Variants in NUDT21 observed in about 807,000 individuals in gnomAD.
The protein encoded by NUDT21 is nudix hydrolase 21, also known as cleavage and polyadenylation specificity factor subunit 5.
A neutral mutation model predicts 29.8 loss-of-function variants in NUDT21; 5 were observed. That is an observed-to-expected ratio of 0.17 (90% confidence interval 0.09 to 0.35). The LOEUF (loss-of-function observed/expected upper bound fraction) is 0.35, where lower values mean the gene tolerates loss of function less well. Ranked by LOEUF, NUDT21 falls within the 10% of genes least tolerant of loss-of-function variation. NUDT21 has a pLI of 1.00. For missense variants in NUDT21, 76 were observed against 276.0 expected (o/e 0.28, Z 5.13); for synonymous variants, 113 against 98.5 (o/e 1.15, Z -0.87).
chr16:56,430,183 T>TA lies in NUDT21; in HGVS notation c.*2528dup, dbSNP rs1294305374. Reference sequence around the variant, plus strand: ...AGTACAAATTCAAGTGCAGAATTATTACGCCATTTTAAGTATTATCTACTT... The same window carrying TA: ...AGTACAAATTCAAGTGCAGAATTATTAACGCCATTTTAAGTATTATCTACTT... On this transcript the variant is annotated 3_prime_UTR_variant, in exon 7 of 7. Coordinates refer to ENST00000300291, the MANE Select transcript of NUDT21 (RefSeq NM_007006.3). The TA allele has an allele frequency of 6.6e-6, 1 of 152,244 alleles. No individual in the cohort carries two copies. The highest frequency in any genetic ancestry group is 2.4e-5 in the African/African-American group (1 of 41,466). The allele number at this position is 152,244 out of a possible 1,614,324, so 9.4% of individuals were successfully genotyped here.
chr16:56,447,082 G>C (rs1436240682), intron 2 of NUDT21: 2 of 167,624 alleles, frequency 1.2e-5, no homozygotes, highest in Non-Finnish European at 2.5e-5. Context: ...CCCACCTTTG[G>C]AGTATACAGT....
intron 4 of NUDT21, among the ~76,000 whole-genome samples, chr16:56,438,889 C>A (rs182055365): frequency 6.6e-6 from 1 of 151,894 alleles, no homozygotes; most frequent in Non-Finnish European, 1.5e-5. Flanking sequence ...TCAGGATACG[C>A]GAACAGTGAC....
chr16:56,437,729 C>G (rs1397467866), intron 4 of NUDT21, among the ~76,000 whole-genome samples: 1 of 152,104 alleles, frequency 6.6e-6, no homozygotes, highest in Non-Finnish European at 1.5e-5. Flanking sequence ...TGCTTCTGGT[C>G]TCTCTCTCCC....
intron 1 of NUDT21, among the ~76,000 whole-genome samples, chr16:56,450,006 A>C (rs1370081972): frequency 2.0e-5 from 3 of 152,226 alleles, no homozygotes; most frequent in African/African-American, 7.2e-5. Context: ...TTTGCAAAAT[A>C]AAACAATGTT....
intron 4 of NUDT21, among the ~76,000 whole-genome samples, chr16:56,435,495 G>A (rs1962086965): frequency 6.6e-6 from 1 of 151,160 alleles, no homozygotes; most frequent in South Asian, 2.1e-4. Flanking sequence ...GGGAGGCCAA[G>A]GCAGGCGGAT....
intron 4 of NUDT21, chr16:56,439,081 T>C (rs1962133654): frequency 6.5e-6 from 1 of 152,690 alleles, no homozygotes; most frequent in Non-Finnish European, 1.5e-5. Context: ...AGCGGTGGAA[T>C]GAGGGGTTGT....
rs557639316 is a variant in NUDT21, at chr16:56,438,080, T to C, written c.471+1577A>G. Among the ~76,000 whole-genome samples, 6 of 152,334 alleles carry C rather than the reference T, an allele frequency of 3.9e-5. No homozygotes were observed. In the East Asian group the frequency reaches 1.2e-3, roughly 29 times the overall value. ...ACTATACCAATTGTGATAGACTGCC[T>C]TAAGATGACCCCCAATGATTCCTGT... On this transcript the variant is annotated intron_variant, in intron 4 of 6. Coordinates refer to ENST00000300291, the MANE Select transcript of NUDT21 (RefSeq NM_007006.3).
rs1962070531 is a variant in NUDT21, at chr16:56,434,339, C to T, written c.654G>A (p.Leu218=). 6.2e-7 allele frequency: 1 copy of T among 1,605,656 alleles called. No homozygotes were observed. Among genetic ancestry groups the T allele is most frequent in the East Asian group, 2.2e-5 (1 of 44,776 alleles). The change falls in exon 6 of 7, where the codon CTG becomes CTA. Residue 218 remains leucine (L), a synonymous_variant. Transcript: ENST00000300291. ...TGTTCAACTTTCTGTACCTGCTCAA[C>T]AGCTGAGGGAGACTAGAAATGATGG... The part of the protein sequence containing the change: ...YGPIISSLPQ[L]LSRFNFIYN
chr16:56,441,635 C>A (rs541807985), intron 3 of NUDT21, among the ~76,000 whole-genome samples: 12 of 152,332 alleles, frequency 7.9e-5, no homozygotes, highest in African/African-American at 2.9e-4. Context: ...ACTTTTTCTT[C>A]CACCATCTTC....
rs1484317948 is a variant in NUDT21, at chr16:56,430,761, C to T, written c.*1951G>A. 11 of 152,358 alleles carry T rather than the reference C, an allele frequency of 7.2e-5. No individual in the cohort carries two copies. The highest frequency in any genetic ancestry group is 2.4e-4 in the African/African-American group (10 of 41,584). The allele number at this position is 152,358 out of a possible 1,614,324, so 9.4% of individuals were successfully genotyped here. A position where few individuals can be genotyped will look rare whatever the true frequency, so the allele number is the denominator to read the frequency against. On this transcript the variant is annotated 3_prime_UTR_variant, in exon 7 of 7. Coordinates refer to ENST00000300291, the MANE Select transcript of NUDT21 (RefSeq NM_007006.3). The stretch of plus-strand genomic sequence containing the variant: ...TTCCGTTTGTGTGTTGCAACTTTTA[C>T]ATTCAAAACCAGATCTCTTACATTT...
At position 56,431,401 on chromosome 16, in the gene NUDT21, A is replaced by G. The variant is rs1387364119; in HGVS notation, c.*1311T>C. The G allele has an allele frequency of 1.6e-4, 24 of 152,236 alleles. No homozygotes were observed. The highest frequency in any genetic ancestry group is 9.8e-4 in the Admixed American group (15 of 15,288). The allele number at this position is 152,236 out of a possible 1,614,324, so 9.4% of individuals were successfully genotyped here. A position where few individuals can be genotyped will look rare whatever the true frequency, so the allele number is the denominator to read the frequency against. ...CATGTGAGGGTTTGACATGACCCCA[A>G]CTAAAAAAACTTGAGTGTTTATTAA... On this transcript the variant is annotated 3_prime_UTR_variant, in exon 7 of 7. Coordinates refer to ENST00000300291, the MANE Select transcript of NUDT21 (RefSeq NM_007006.3).
intron 3 of NUDT21, among the ~76,000 whole-genome samples, chr16:56,441,958 CCACT>C (rs1962164280): frequency 6.6e-6 from 1 of 152,106 alleles, no homozygotes; most frequent in South Asian, 2.1e-4. Flanking sequence ...GGCGCGATCT[CCACT>C]CACTGCAACC....
At chr16:56,434,925 C>T (rs777051352) in intron 4 of NUDT21, 96 bp from the exon 5 acceptor site, 8 of 731,016 alleles carry the variant, frequency 1.1e-5, no homozygotes, top group Non-Finnish European at 1.9e-5. Context: ...TTGGGAGAAG[C>T]ATACTACTTT....
chr16:56,446,566 C>T, intron 3 of NUDT21, 60 bp downstream of exon 3: 1 of 920,268 alleles, frequency 1.1e-6, no homozygotes, highest in Non-Finnish European at 1.7e-6. Context: ...TTTTACAAGA[C>T]ATTAAAAGCC....
At chr16:56,435,494 A>G (rs1962086943) in intron 4 of NUDT21, among the ~76,000 whole-genome samples, 1 of 151,114 alleles carries the variant, frequency 6.6e-6, no homozygotes, top group South Asian at 2.1e-4. Context: ...TGGGAGGCCA[A>G]GGCAGGCGGA....
Position 56,451,073 on chromosome 16 carries a change from C to T in NUDT21, c.116+14G>A. The T allele has an allele frequency of 1.2e-6, 2 of 1,607,428 alleles. No homozygotes were observed. Among genetic ancestry groups the T allele is most frequent in the Non-Finnish European group, 1.7e-6 (2 of 1,174,466 alleles). ...TCACGAGAGAAATGCCCGCCAAGGC[C>T]GCGCCGCACTTACAGGTTGATGGTG... On this transcript the variant is annotated intron_variant, in intron 1 of 6. Transcript: ENST00000300291.
At chr16:56,438,619 C>T (rs1489311383) in intron 4 of NUDT21, among the ~76,000 whole-genome samples, 4 of 152,018 alleles carry the variant, frequency 2.6e-5, no homozygotes, top group African/African-American at 7.3e-5. Context: ...GATTATATAC[C>T]GCCTATGACA....
At chr16:56,440,783 G>C (rs1342320753) in intron 3 of NUDT21, among the ~76,000 whole-genome samples, 1 of 152,032 alleles carries the variant, frequency 6.6e-6, no homozygotes, top group Non-Finnish European at 1.5e-5. Flanking sequence ...TCATTGCCCA[G>C]GCTGGAGTGC....
intron 1 of NUDT21, 128 bp downstream of exon 1, chr16:56,450,959 A>C: frequency 1.4e-6 from 1 of 711,942 alleles, no homozygotes; most frequent in Non-Finnish European, 2.4e-6. Flanking sequence ...GAAGGCGCGC[A>C]TCCGCCAGCG....
Sources: allele counts gnomAD v4.1 joint callset (sites outside exome capture counted in the v4.1 genomes callset), GRCh38; gene constraint gnomAD v4.1.1; transcripts MANE v1.5; gene names NCBI Gene and HGNC (gene_info 2026-07-23, HGNC 2026-07-21).